Variants in LMNTD2 observed in about 807,000 individuals in gnomAD.
LMNTD2 encodes lamin tail domain-containing protein 2.
Under a neutral mutation model 70.1 loss-of-function variants are expected in LMNTD2, and 83 were observed. The ratio of observed to expected loss-of-function variants is 1.18; its 90% confidence interval spans 0.99 to 1.42. The LOEUF is 1.42. Ranked by LOEUF, LMNTD2 falls within the 40% of genes most tolerant of loss-of-function variation. The probability of loss-of-function intolerance (pLI) is 0.00; values close to 1 mark genes in which losing one functional copy is unlikely to be tolerated. For missense variants in LMNTD2, 1,153 were observed against 905.9 expected, an observed-to-expected ratio of 1.27 and a Z score of -3.50; for synonymous variants, 534 against 406.1, an observed-to-expected ratio of 1.31 and a Z score of -3.79.
chr11:555,406 G>T lies in LMNTD2; in HGVS notation c.1672C>A (p.His558Asn). The change falls in exon 13 of 14, where the codon CAC becomes AAC. Residue 558 changes from histidine to asparagine, a missense_variant. Physicochemically the swap from His to Asn is moderately conservative, Grantham distance 68. Transcript: ENST00000329451. ...PENPEIPAPQ[H>N]LPAIPGDPTL... ...GGGTCACCCGGGATGGCGGGCAGGT[G>T]CTGCGGCGCGGGGATCTCGGGGTTC... 7.2e-7 allele frequency: 1 copy of T among 1,397,944 alleles called. No homozygotes were observed. The highest frequency in any genetic ancestry group is 9.3e-7 in the Non-Finnish European group (1 of 1,080,584). 86.6% of individuals were successfully genotyped at this position (1,397,944 alleles called of 1,614,324 possible).
At position 555,157 on chromosome 11, in the gene LMNTD2, G is replaced by GGGAGGGGAGGGGAGGGGA. The variant is rs1852722763; in HGVS notation, c.1774-64_1774-47dup. On this transcript the variant is annotated intron_variant, in intron 13 of 13. Coordinates refer to ENST00000329451, the MANE Select transcript of LMNTD2 (RefSeq NM_173573.3). ...GAGGCGCGCGGGGCGGGGCGGGGAC[G>GGGAGGGGAGGGGAGGGGA]GGAGGGGAGGGGAGGGGAGGAGAGG... is the stretch of plus-strand genomic sequence containing the variant. 4.7e-5 allele frequency: 23 copies of GGGAGGGGAGGGGAGGGGA among 487,498 alleles called. No homozygotes were observed. The East Asian group carries it at 5.3e-4, about 11-fold the overall frequency. The allele number at this position is 487,498 out of a possible 1,614,324, so 30.2% of individuals were successfully genotyped here.
At chr11:559,175 A>G in intron 1 of LMNTD2, 196 bp from the exon 2 acceptor site, 3 of 1,467,796 alleles carry the variant, frequency 2.0e-6, no homozygotes, top group Non-Finnish European at 2.7e-6. Flanking sequence ...AGGGACCCAC[A>G]TGTGGGTGTC....
In LMNTD2 at chr11:557,625, T is replaced by C; in HGVS notation, c.571A>G (p.Thr191Ala). The change falls in exon 6 of 14, where the codon ACT (threonine) becomes GCT (alanine). Residue 191 changes from threonine (T) to alanine (A), a missense_variant. Physicochemically the swap from Thr to Ala is moderately conservative, Grantham distance 58. Transcript: ENST00000329451. ...GAGAGGTCGCTTGGGTCCATCAGAG[T>C]CTCTGCCGTCACTACCTGCAAGAGG... ...TGSVEVVTAE[T>A]LMDPSDLSEN... The C allele has an allele frequency of 1.9e-6, 3 of 1,612,930 alleles. No homozygotes were observed. Among genetic ancestry groups the C allele is most frequent in the Non-Finnish European group, 2.5e-6 (3 of 1,179,802 alleles).
In LMNTD2 at chr11:556,280, A is replaced by G. The variant is rs1207647457; in HGVS notation, c.1169T>C (p.Met390Thr). 2.0e-6 allele frequency: 3 copies of G among 1,535,244 alleles called. No individual in the cohort carries two copies. The highest frequency in any genetic ancestry group is 3.9e-5 in the Admixed American group (2 of 50,970). Residue 390 changes from methionine (M) to threonine (T), a missense_variant, in exon 10 of 14, where the codon ATG (methionine) becomes ACG (threonine). By Grantham distance (81) the Met-to-Thr change is moderately conservative. Transcript: ENST00000329451. ...GCCGCGCACCAGCTGCTTCAGCACC[A>G]TGCCGCTCAGGTCGGCCGTGCTCTC... ...SQESTADLSG[M>T]VLKQLVRGFP...
At position 560,679 on chromosome 11, in the gene LMNTD2, C is replaced by T. The variant is rs1189643128; in HGVS notation, c.34+4G>A. Reference sequence around the variant, plus strand: ...TCGGCCCAGGAGCGGGGCCAGACACCTACCCCGACGCCTGCCCGCGGGCCG... The same window carrying T: ...TCGGCCCAGGAGCGGGGCCAGACACTTACCCCGACGCCTGCCCGCGGGCCG... On this transcript the variant is annotated splice_donor_region_variant and intron_variant, in intron 1 of 13. Coordinates refer to ENST00000329451, the MANE Select transcript of LMNTD2 (RefSeq NM_173573.3). The T allele has an allele frequency of 9.0e-6, 13 of 1,436,684 alleles. No individual in the cohort carries two copies. Among genetic ancestry groups the T allele is most frequent in the Non-Finnish European group, 1.2e-5 (13 of 1,086,158 alleles). 89.0% of individuals were successfully genotyped at this position (1,436,684 alleles called of 1,614,324 possible).
In LMNTD2 at chr11:557,870, G is replaced by A; in HGVS notation, c.555+14C>T. ...GGGCAGCCTGGGGCAGGAGGGCTTG[G>A]GGGACAGGCTCACCTCCACACTGCC... On this transcript the variant is annotated intron_variant, in intron 5 of 13. Transcript: ENST00000329451. 1.9e-6 allele frequency: 3 copies of A among 1,554,270 alleles called. No individual in the cohort carries two copies. The highest frequency in any genetic ancestry group is 1.4e-5 in the African/African-American group (1 of 73,784).
rs369845778 is a variant in LMNTD2, at chr11:555,114, G to T, written c.1774-3C>A. On this transcript the variant is annotated splice_region_variant and splice_polypyrimidine_tract_variant and intron_variant, in intron 13 of 13. Transcript: ENST00000329451. ...CGGTCCACGCTCTTCCGGCACACCT[G>T]GGGGGCGCGGGGGCTGAGAGGCGCG... The T allele has an allele frequency of 1.9e-4, 284 of 1,460,068 alleles. 1 individual carries two copies. In the African/African-American group the frequency reaches 3.0e-3, roughly 15 times the overall value. 90.4% of individuals were successfully genotyped at this position (1,460,068 alleles called of 1,614,324 possible).
chr11:558,530 G>C, intron 3 of LMNTD2, 84 bp downstream of exon 3: 1 of 1,476,528 alleles, frequency 6.8e-7, no homozygotes, highest in South Asian at 1.3e-5. Flanking sequence ...CTGCCTCAGC[G>C]GTTGGGGTTG....
chr11:555,157 G>GGGAGGGGAGGGGAGAGGCGA, intron 13 of LMNTD2, 46 bp from the exon 14 acceptor site: 1 of 487,252 alleles, frequency 2.1e-6, no homozygotes. Flanking sequence ...GGGCGGGGAC[G>GGGAGGGGAGGGGAGAGGCGA]GGAGGGGAGG....
At chr11:560,372 C>T in intron 1 of LMNTD2, 2 of 1,191,742 alleles carry the variant, frequency 1.7e-6, no homozygotes, top group Non-Finnish European at 2.1e-6. Flanking sequence ...AGAAGAGCCT[C>T]AGCTAGAGTC....
chr11:556,097 G>A lies in LMNTD2; in HGVS notation c.1276C>T (p.Arg426Cys), dbSNP rs1275837675. Reference protein sequence around the residue: ...HHVTVWGEATRSAKKPLRASS... With the variant: ...HHVTVWGEATCSAKKPLRASS... Reference sequence around the variant, plus strand: ...GCGCGCAGCGGCTTCTTGGCGCTGCGGGTCGCCTCGCCCCAGACCTGGAGG... The same window carrying A: ...GCGCGCAGCGGCTTCTTGGCGCTGCAGGTCGCCTCGCCCCAGACCTGGAGG... The change falls in exon 11 of 14, where the codon CGC becomes TGC. Residue 426 changes from arginine (R) to cysteine (C), a missense_variant. By Grantham distance (180) the Arg-to-Cys change is radical (BLOSUM62 -3). Coordinates refer to ENST00000329451, the MANE Select transcript of LMNTD2 (RefSeq NM_173573.3). 2.0e-6 allele frequency: 3 copies of A among 1,524,348 alleles called. No homozygotes were observed. The highest frequency in any genetic ancestry group is 2.6e-6 in the Non-Finnish European group (3 of 1,146,526). 94.4% of individuals were successfully genotyped at this position (1,524,348 alleles called of 1,614,324 possible).
Position 558,620 on chromosome 11 carries a change from G to A in LMNTD2, c.305C>T (p.Pro102Leu). The change falls in exon 3 of 14, where the codon CCC (proline) becomes CTC (leucine). Residue 102 changes from proline (P) to leucine (L), a missense_variant. Transcript: ENST00000329451. ...HILEEVAGLP[P>L]KRSSHSQEKL... ...TGGGGACTGTGCTGCAGACCTCTTG[G>A]GCGGAAGCCCCGCCACCTCTTCCAG... The A allele has an allele frequency of 1.2e-6, 2 of 1,605,898 alleles. No individual in the cohort carries two copies. Among genetic ancestry groups the A allele is most frequent in the African/African-American group, 1.3e-5 (1 of 74,932 alleles).
intron 8 of LMNTD2, 73 bp downstream of exon 8, chr11:556,762 C>T (rs948686975): frequency 2.0e-6 from 3 of 1,463,818 alleles, no homozygotes; most frequent in Non-Finnish European, 2.7e-6. Flanking sequence ...CTCCAGGGCT[C>T]TGAGTGAGAT....
At chr11:558,308 G>C in intron 3 of LMNTD2, 60 bp from the exon 4 acceptor site, 1 of 1,557,486 alleles carries the variant, frequency 6.4e-7, no homozygotes, top group Non-Finnish European at 8.8e-7. Context: ...CCTAATGTCA[G>C]GTCAGTGGCG....
Position 555,064 on chromosome 11 carries a change from C to G in LMNTD2, c.1821G>C (p.Ser607=), listed in dbSNP as rs1185916862. ...ATCTGCTCTCCGCCGTGTTCTGCAC[C>G]GACAGGGCCACCAGGGGGCAGCTAC... is the stretch of plus-strand genomic sequence containing the variant. ...VDRSCPLVAL[S]VQNTAESRFG... Residue 607 remains serine, a synonymous_variant, in exon 14 of 14, where the codon TCG becomes TCC. Coordinates refer to ENST00000329451, the MANE Select transcript of LMNTD2 (RefSeq NM_173573.3). The G allele has an allele frequency of 1.3e-6, 2 of 1,582,592 alleles. No individual in the cohort carries two copies. The highest frequency in any genetic ancestry group is 1.7e-6 in the Non-Finnish European group (2 of 1,168,094).
At position 555,849 on chromosome 11, in the gene LMNTD2, G is replaced by A. The variant is rs781570848; in HGVS notation, c.1459C>T (p.Arg487Cys). ...FADGTDLSID[R>C]FPLPEAGPGA... ...GGCCCGGCCTCAGGGAGCGGGAAGC[G>A]GTCGATGGACAAGTCGGTGCCGTCG... The change falls in exon 12 of 14, where the codon CGC becomes TGC. Residue 487 changes from arginine (R) to cysteine (C), a missense_variant. By Grantham distance (180) the Arg-to-Cys change is radical (BLOSUM62 -3). Transcript: ENST00000329451. 1 of 1,555,456 alleles carries A rather than the reference G, an allele frequency of 6.4e-7. No homozygotes were observed. The highest frequency in any genetic ancestry group is 8.6e-7 in the Non-Finnish European group (1 of 1,157,612).
In LMNTD2 at chr11:559,174, C is replaced by T. The variant is rs1056510249; in HGVS notation, c.35-195G>A. On this transcript the variant is annotated intron_variant, in intron 1 of 13. Coordinates refer to ENST00000329451, the MANE Select transcript of LMNTD2 (RefSeq NM_173573.3). Reference sequence around the variant, plus strand: ...GAGCGTTGCTCTCTGAAGGGACCCACATGTGGGTGTCCACACCCGTGTGTT... The same window carrying T: ...GAGCGTTGCTCTCTGAAGGGACCCATATGTGGGTGTCCACACCCGTGTGTT... 8 of 1,467,874 alleles carry T rather than the reference C, an allele frequency of 5.5e-6. No individual in the cohort carries two copies. The South Asian group carries it at 8.2e-5, about 15-fold the overall frequency. The allele number at this position is 1,467,874 out of a possible 1,614,324, so 90.9% of individuals were successfully genotyped here. A position where few individuals can be genotyped will look rare whatever the true frequency, so the allele number is the denominator to read the frequency against.
intron 1 of LMNTD2, chr11:560,400 C>G: frequency 3.3e-6 from 4 of 1,219,356 alleles, no homozygotes; most frequent in Non-Finnish European, 4.1e-6. Flanking sequence ...TCTGAGCGGG[C>G]ACCTCCCGCA....
Position 556,058 on chromosome 11 carries a change from C to A in LMNTD2, c.1315G>T (p.Glu439Ter). 1 of 1,550,022 alleles carries A rather than the reference C, an allele frequency of 6.5e-7. No homozygotes were observed. The highest frequency in any genetic ancestry group is 8.6e-7 in the Non-Finnish European group (1 of 1,158,816). Residue 439 changes from glutamate to a stop codon, truncating the protein, a stop_gained, in exon 11 of 14, where the codon GAG (glutamate) becomes TAG (stop). Transcript: ENST00000329451. LOFTEE classifies it high-confidence loss of function. ...KKPLRASSSR[E>*]PVPLLSIRGC... ...CGGATGGAGAGGAGGGGAACGGGCT[C>A]CCGGCTCGAGGACGCGCGCAGCGGC...
Sources: gnomAD v4.1 joint callset for allele counts on GRCh38, gnomAD v4.1.1 for gene constraint, MANE v1.5 for transcripts, NCBI Gene and HGNC (gene_info 2026-07-23, HGNC 2026-07-21) for gene names.